ITFG2: variants seen among roughly 807,000 people sequenced by gnomAD.
ITFG2 encodes the protein integrin alpha FG-GAP repeat containing 2.
Under a neutral mutation model 54.4 loss-of-function variants are expected in ITFG2, and 36 were observed. The observed-to-expected ratio is 0.66, with a 90% CI of 0.51 to 0.87. The LOEUF is 0.87. ITFG2 is among the 40% of genes least tolerant of loss of function. ITFG2 has a pLI of 0.00. For synonymous variants in ITFG2, 211 were observed against 225.4 expected, an observed-to-expected ratio of 0.94 and a Z score of 0.57; for missense variants, 524 against 576.7, an observed-to-expected ratio of 0.91 and a Z score of 0.94.
intron 2 of ITFG2, among the ~76,000 whole-genome samples, chr12:2,850,018 C>A (rs1004769378): frequency 6.6e-6 from 1 of 152,110 alleles, no homozygotes; most frequent in African/African-American, 2.4e-5. Context: ...GCCCCTGGTT[C>A]GGCAGATAGT....
At chr12:2,846,565 C>G (rs781449538) in intron 2 of ITFG2, among the ~76,000 whole-genome samples, 7 of 152,056 alleles carry the variant, frequency 4.6e-5, no homozygotes, top group Non-Finnish European at 1.0e-4. Flanking sequence ...CATCTGAAGT[C>G]TGAGGTTGTT....
chr12:2,843,859 G>A (rs1340861288), intron 2 of ITFG2, among the ~76,000 whole-genome samples: 1 of 148,676 alleles, frequency 6.7e-6, no homozygotes. Flanking sequence ...TGGGTGACCT[G>A]GGGTGAAGTG....
chr12:2,821,463 C>T, intron 7 of ITFG2, 80 bp from the exon 8 acceptor site: 2 of 1,569,006 alleles, frequency 1.3e-6, no homozygotes, highest in Non-Finnish European at 1.8e-6. Context: ...TGTCCTTCCC[C>T]TGCTGCTGCA....
chr12:2,834,764 G>A (rs759845236), upstream of ITFG2: 4 of 1,613,784 alleles, frequency 2.5e-6, no homozygotes, highest in African/African-American at 2.7e-5. Context: ...GCTCGGTCTC[G>A]AAGCTGTGCC....
At position 2,821,585 on chromosome 12, in the gene ITFG2, GCAC is replaced by G; in HGVS notation, c.838_840del (p.Thr280del). 1 of 1,614,182 alleles carries G rather than the reference GCAC, an allele frequency of 6.2e-7. No individual in the cohort carries two copies. The highest frequency in any genetic ancestry group is 8.5e-7 in the Non-Finnish European group (1 of 1,180,022). ...AGTGGCTCTGGCCTCTTTGCCCTGT[GCAC>G]CCTGGATGGTGAGCAATGCTAGGAT... On this transcript the variant is annotated inframe_deletion, in exon 8 of 12. Transcript: ENST00000228799.
chr12:2,850,978 CTTTTTTTTTTTTT>C (rs35125854), intron 2 of ITFG2, among the ~76,000 whole-genome samples: 2 of 81,666 alleles, frequency 2.4e-5, no homozygotes, highest in East Asian at 4.7e-4. Context: ...GGCCCAGAGT[CTTTTTTTTTTTTT>C]TTTTTTTTTT....
At chr12:2,829,309 A>G (rs1252201921), downstream of ITFG2, among the ~76,000 whole-genome samples, 1 of 149,364 alleles carries the variant, frequency 6.7e-6, no homozygotes, top group Non-Finnish European at 1.5e-5. Flanking sequence ...AGACATTTTG[A>G]TATACGCTTG....
intron 1 of ITFG2, among the ~76,000 whole-genome samples, chr12:2,838,594 G>A (rs2098033940): frequency 6.6e-6 from 1 of 152,180 alleles, no homozygotes; most frequent in African/African-American, 2.4e-5. Flanking sequence ...CCTGGCCCTG[G>A]AAACCACTTG....
At chr12:2,848,458 T>C (rs1018711038) in intron 2 of ITFG2, among the ~76,000 whole-genome samples, 1 of 152,250 alleles carries the variant, frequency 6.6e-6, no homozygotes, top group African/African-American at 2.4e-5. Context: ...GCCTCTGGGC[T>C]GACTGCTCTT....
At chr12:2,831,668 C>A (rs1381772824), downstream of ITFG2, among the ~76,000 whole-genome samples, 1 of 152,128 alleles carries the variant, frequency 6.6e-6, no homozygotes, top group Non-Finnish European at 1.5e-5. Flanking sequence ...ACAACCACTC[C>A]CATTCCATCC....
At chr12:2,859,132 T>C in intron 3 of ITFG2, 1 of 1,605,292 alleles carries the variant, frequency 6.2e-7, no homozygotes, top group Non-Finnish European at 8.5e-7. Flanking sequence ...TTAATGGGTG[T>C]CTTAAAAGGT....
At chr12:2,821,634 C>G (rs1352473784) in intron 8 of ITFG2, 38 bp downstream of exon 8, 10 of 1,613,830 alleles carry the variant, frequency 6.2e-6, no homozygotes, top group Non-Finnish European at 8.5e-6. Flanking sequence ...GGCTGTATGC[C>G]TGTAGGGTCT....
chr12:2,854,822 C>T (rs2098082065), intron 2 of ITFG2: 2 of 1,417,434 alleles, frequency 1.4e-6, no homozygotes, highest in Admixed American at 2.5e-5. Context: ...CGGTTAGAAA[C>T]AGGAACCTGA....
At chr12:2,849,678 A>G (rs1178561740) in intron 2 of ITFG2, among the ~76,000 whole-genome samples, 1 of 152,188 alleles carries the variant, frequency 6.6e-6, no homozygotes, top group African/African-American at 2.4e-5. Flanking sequence ...ACCTAATCGG[A>G]TATTGACCTG....
chr12:2,849,073 G>A, intron 2 of ITFG2: 1 of 689,216 alleles, frequency 1.5e-6, no homozygotes, highest in Non-Finnish European at 2.4e-6. Flanking sequence ...ATAGCCTGGG[G>A]TACAGAGGTG....
chr12:2,823,695 C>T (rs1565418285), intron 10 of ITFG2, 75 bp from the exon 11 acceptor site: 2 of 1,474,806 alleles, frequency 1.4e-6, no homozygotes, highest in Non-Finnish European at 1.8e-6. Flanking sequence ...ACTCGGAGGT[C>T]TGTGTCTTGC....
At chr12:2,859,054 G>T (rs1487889563) in intron 3 of ITFG2, 1 of 1,608,736 alleles carries the variant, frequency 6.2e-7, no homozygotes, top group Admixed American at 1.7e-5. Context: ...GGGGGCGTGA[G>T]CCTCCAGGAT....
Position 2,844,117 on chromosome 12 carries a change from G to A in ITFG2, n.300+3122G>A, listed in dbSNP as rs568730751. ...TAAAAATACAAAAAAAAATAGCCAGGCATGGTGGCACACGCTTGTGGTCCC... is the reference window on the plus strand; with the variant it reads ...TAAAAATACAAAAAAAAATAGCCAGACATGGTGGCACACGCTTGTGGTCCC... On this transcript the variant is annotated intron_variant and non_coding_transcript_variant, in intron 2 of 3. Transcript: ENST00000537710. 2.3e-4 allele frequency among the ~76,000 whole-genome samples: 35 copies of A among 149,830 alleles called. 4 individuals are homozygous for A. The highest frequency in any genetic ancestry group is 4.0e-4 in the Non-Finnish European group (27 of 67,848).
intron 2 of ITFG2, chr12:2,855,418 G>C (rs1303430480): frequency 1.4e-6 from 2 of 1,481,010 alleles, no homozygotes; most frequent in South Asian, 1.3e-5. Context: ...CGTTTGGGAG[G>C]GTGGGAGGGA....
Sources: gnomAD v4.1 joint callset for allele counts (sites outside exome capture counted in the v4.1 genomes callset) on GRCh38, gnomAD v4.1.1 for gene constraint, MANE v1.5 for transcripts, NCBI Gene and HGNC (gene_info 2026-07-23, HGNC 2026-07-21) for gene names.